The following SLC71A2 variants were observed in gnomAD, a reference collection of about 807,000 sequenced individuals.
SLC71A2 encodes the protein solute carrier family 71 member 2.
At chr9:94,417,849 TCCCACCCCACCCC>T in the SLC71A2 span, among the ~76,000 whole-genome samples, 23 of 51,614 alleles carry the variant, frequency 4.5e-4, 1 homozygote, top group South Asian at 7.9e-4. Flanking sequence ...ATAGGCAAGT[TCCCACCCCACCCC>T]CCCCCCCCCC....
chr9:94,386,084 C>A, the SLC71A2 span, among the ~76,000 whole-genome samples: 1 of 152,010 alleles, frequency 6.6e-6, no homozygotes, highest in Non-Finnish European at 1.5e-5. Flanking sequence ...GATAGTAAGT[C>A]TTCCTTCCTG....
chr9:94,459,536 A>G, the SLC71A2 span: 1 of 897,094 alleles, frequency 1.1e-6, no homozygotes, highest in Non-Finnish European at 1.7e-6. Flanking sequence ...CAAGTTTGAT[A>G]AATACCACCG....
the SLC71A2 span, chr9:94,460,357 T>C: frequency 2.6e-5 from 4 of 152,676 alleles, no homozygotes; most frequent in Admixed American, 6.5e-5. Flanking sequence ...TCTCAAAGTT[T>C]TTCTCATCCA....
At chr9:94,419,355 C>T in the SLC71A2 span, among the ~76,000 whole-genome samples, 1 of 147,532 alleles carries the variant, frequency 6.8e-6, no homozygotes, top group East Asian at 2.0e-4. Context: ...AGTGCAGTGG[C>T]GGATCTTGGC....
At chr9:94,396,901 G>A in the SLC71A2 span, among the ~76,000 whole-genome samples, 2 of 152,112 alleles carry the variant, frequency 1.3e-5, no homozygotes, top group Non-Finnish European at 2.9e-5. Flanking sequence ...CTCCCAAGTA[G>A]CCAGGATTAC....
chr9:94,394,915 GTT>G, the SLC71A2 span, among the ~76,000 whole-genome samples: 1 of 64,180 alleles, frequency 1.6e-5, no homozygotes, highest in African/African-American at 7.1e-5. Flanking sequence ...TACTTTTTTT[GTT>G]TTTTTTTTTT....
At chr9:94,410,863 T>G in the SLC71A2 span, among the ~76,000 whole-genome samples, 2 of 152,228 alleles carry the variant, frequency 1.3e-5, no homozygotes, top group African/African-American at 4.8e-5. Context: ...CCTCCTGGGT[T>G]CCAGTGGTTC....
At chr9:94,437,790 G>A in the SLC71A2 span, among the ~76,000 whole-genome samples, 1 of 145,062 alleles carries the variant, frequency 6.9e-6, no homozygotes, top group African/African-American at 2.6e-5. Flanking sequence ...TGCTTGGTGT[G>A]TGTTCGTCTT....
chr9:94,394,309 C>A, the SLC71A2 span, among the ~76,000 whole-genome samples: 1 of 92,888 alleles, frequency 1.1e-5, no homozygotes, highest in African/African-American at 3.5e-5. Context: ...CAGTAAAATT[C>A]TTTTTTCTGC....
the SLC71A2 span, among the ~76,000 whole-genome samples, chr9:94,406,066 A>AT: frequency 0.064 from 4,043 of 63,300 alleles, 596 homozygotes; most frequent in African/African-American, 0.098. Context: ...TGCAACTTGA[A>AT]TTTTTTTTTT....
chr9:94,415,070 C>T, the SLC71A2 span: 20 of 991,878 alleles, frequency 2.0e-5, no homozygotes, highest in Admixed American at 4.2e-4. Context: ...TTTTTTTACA[C>T]ATTTTTACAC....
the SLC71A2 span, among the ~76,000 whole-genome samples, chr9:94,457,172 C>G: frequency 2.0e-5 from 3 of 152,122 alleles, no homozygotes; most frequent in Middle Eastern, 3.4e-3. Context: ...CGCCATGTTG[C>G]CCAGCCTGGT....
the SLC71A2 span, among the ~76,000 whole-genome samples, chr9:94,408,902 C>G: frequency 6.7e-6 from 1 of 149,302 alleles, no homozygotes. Flanking sequence ...CTGCTCACTG[C>G]AAGCTCCCCT....
the SLC71A2 span, among the ~76,000 whole-genome samples, chr9:94,436,768 C>T: frequency 3.3e-5 from 5 of 152,094 alleles, no homozygotes; most frequent in Admixed American, 2.6e-4. Context: ...GGAATCTGTT[C>T]CTTTTTCTTT....
the SLC71A2 span, among the ~76,000 whole-genome samples, chr9:94,396,353 T>C: frequency 6.6e-6 from 1 of 152,030 alleles, no homozygotes; most frequent in East Asian, 1.9e-4. Context: ...CCATCTCTAC[T>C]AAAATACAAA....
At chr9:94,382,625 G>GT in the SLC71A2 span, among the ~76,000 whole-genome samples, 3 of 151,576 alleles carry the variant, frequency 2.0e-5, no homozygotes, top group Non-Finnish European at 4.4e-5. Context: ...TTAAGAAATT[G>GT]TTGCCTAATC....
At chr9:94,420,537 A>G in the SLC71A2 span, among the ~76,000 whole-genome samples, 1 of 152,104 alleles carries the variant, frequency 6.6e-6, no homozygotes, top group East Asian at 1.9e-4. Context: ...TTATACTGTC[A>G]TGTCAAATGT....
the SLC71A2 span, among the ~76,000 whole-genome samples, chr9:94,447,776 A>G: frequency 1.3e-5 from 2 of 152,124 alleles, no homozygotes; most frequent in Non-Finnish European, 1.5e-5. Context: ...ATCAACCCTT[A>G]CAGTATCACA....
At chr9:94,400,058 G>A in the SLC71A2 span, among the ~76,000 whole-genome samples, 6 of 152,148 alleles carry the variant, frequency 3.9e-5, no homozygotes, top group African/African-American at 1.4e-4. Context: ...TGATCCGCCC[G>A]TCTAGGCCTC....
Sources: gnomAD v4.1 joint callset for allele counts (sites outside exome capture counted in the v4.1 genomes callset) on GRCh38, gnomAD v4.1.1 for gene constraint, MANE v1.5 for transcripts, NCBI Gene and HGNC (gene_info 2026-07-23, HGNC 2026-07-21) for gene names.